Variants in OPCML observed in about 807,000 individuals in gnomAD.
OPCML encodes opioid binding protein/cell adhesion molecule like.
In OPCML, 13 loss-of-function variants were observed where a neutral mutation model predicts 37.8. That is an observed-to-expected ratio of 0.34 (90% CI 0.22 to 0.55). The LOEUF is 0.55. Ranked by LOEUF, OPCML falls within the 20% of genes least tolerant of loss-of-function variation. The probability of loss-of-function intolerance (pLI) is 0.91; values close to 1 mark genes in which losing one functional copy is unlikely to be tolerated. For missense variants in OPCML, 341 were observed against 435.6 expected, an observed-to-expected ratio of 0.78 and a Z score of 1.93; for synonymous variants, 176 against 168.8, an observed-to-expected ratio of 1.04 and a Z score of -0.33.
Position 133,208,834 on chromosome 11 carries a change from C to T in OPCML, c.62-265824G>A, listed in dbSNP as rs960500505. Reference sequence around the variant, plus strand: ...ATAAGACTTCATTCCCTATAAATCACGCTATTCCATGACTACCTATTCTAA... The same window carrying T: ...ATAAGACTTCATTCCCTATAAATCATGCTATTCCATGACTACCTATTCTAA... On this transcript the variant is annotated intron_variant, in intron 1 of 7. Coordinates refer to ENST00000524381, the MANE Select transcript of OPCML (RefSeq NM_001012393.5). This position sits in a 1 kb window ranked among gnomAD's most constrained non-coding sequence, Gnocchi z 8.9. 1.2e-4 allele frequency among the ~76,000 whole-genome samples: 19 copies of T among 152,148 alleles called. No homozygotes were observed. Among genetic ancestry groups the T allele is most frequent in the African/African-American group, 3.1e-4 (13 of 41,426 alleles).
At chr11:133,161,715 T>C (rs550476355) in intron 1 of OPCML, among the ~76,000 whole-genome samples, 2 of 152,226 alleles carry the variant, frequency 1.3e-5, no homozygotes, top group African/African-American at 4.8e-5. Flanking sequence ...TATGTGTATA[T>C]GTATATATAA....
At chr11:132,486,035 C>T (rs2096198700) in intron 4 of OPCML, among the ~76,000 whole-genome samples, 1 of 152,156 alleles carries the variant, frequency 6.6e-6, no homozygotes, top group South Asian at 2.1e-4. Context: ...TTCCAGTTGC[C>T]CTGCCTCTTT....
intron 2 of OPCML, among the ~76,000 whole-genome samples, chr11:132,823,242 C>A (rs530171196): frequency 1.3e-5 from 2 of 152,152 alleles, no homozygotes; most frequent in Non-Finnish European, 1.5e-5. Flanking sequence ...CACCTCCACA[C>A]GTCTTGCCAT....
chr11:132,562,606 T>A (rs1161571090), intron 3 of OPCML, among the ~76,000 whole-genome samples: 3 of 152,104 alleles, frequency 2.0e-5, no homozygotes, highest in African/African-American at 7.2e-5. Flanking sequence ...CAAGATTATC[T>A]TGTGTGTTTA....
At chr11:133,399,043 G>A (rs1385725173) in intron 1 of OPCML, among the ~76,000 whole-genome samples, 1 of 152,114 alleles carries the variant, frequency 6.6e-6, no homozygotes, top group African/African-American at 2.4e-5. Context: ...ACACAAAATT[G>A]GGAATCTTGG....
intron 4 of OPCML, among the ~76,000 whole-genome samples, chr11:132,516,061 TCCA>T (rs1328297368): frequency 1.3e-5 from 2 of 151,724 alleles, no homozygotes; most frequent in African/African-American, 2.4e-5. Flanking sequence ...GTCATAGGTC[TCCA>T]GTAAAAAAAA....
At chr11:132,582,691 T>C (rs1363152435) in intron 3 of OPCML, among the ~76,000 whole-genome samples, 4 of 152,242 alleles carry the variant, frequency 2.6e-5, no homozygotes, top group African/African-American at 7.2e-5. Flanking sequence ...CCAGGACATT[T>C]TGATATAGAG....
At chr11:133,418,271 G>C (rs1250944521) in intron 1 of OPCML, 5 of 985,254 alleles carry the variant, frequency 5.1e-6, no homozygotes, top group Non-Finnish European at 3.6e-6. Flanking sequence ...CACCATTCTA[G>C]AGTGACATGG....
chr11:132,674,483 A>C (rs753063159), intron 2 of OPCML, among the ~76,000 whole-genome samples: 1 of 152,208 alleles, frequency 6.6e-6, no homozygotes, highest in Non-Finnish European at 1.5e-5. Context: ...TTTTAAGTGG[A>C]AAGTTCGACT....
intron 4 of OPCML, among the ~76,000 whole-genome samples, chr11:132,447,394 G>A (rs2096058228): frequency 1.3e-5 from 2 of 152,242 alleles, no homozygotes; most frequent in African/African-American, 4.8e-5. Flanking sequence ...CACATCCTGG[G>A]TTCAAGCAAT....
intron 4 of OPCML, among the ~76,000 whole-genome samples, chr11:132,466,081 T>C (rs35174868): frequency 0.036 from 5,446 of 152,208 alleles, 133 homozygotes; most frequent in Non-Finnish European, 0.056. Flanking sequence ...CAACTCCCCT[T>C]CCTACCAGGG....
At chr11:132,782,929 A>G (rs1043290995) in intron 2 of OPCML, among the ~76,000 whole-genome samples, 3 of 146,264 alleles carry the variant, frequency 2.1e-5, no homozygotes, top group Admixed American at 6.9e-5. Flanking sequence ...ATATATATAT[A>G]TATATATATA....
chr11:132,594,061 G>A (rs150975111), intron 3 of OPCML, among the ~76,000 whole-genome samples: 1 of 152,278 alleles, frequency 6.6e-6, no homozygotes, highest in Non-Finnish European at 1.5e-5. Flanking sequence ...AAACAAGGAT[G>A]TGTGCCCCCT....
intron 2 of OPCML, among the ~76,000 whole-genome samples, chr11:132,712,941 T>C (rs542836526): frequency 1.3e-5 from 2 of 152,360 alleles, no homozygotes; most frequent in East Asian, 3.9e-4. Flanking sequence ...CAGGCGATGC[T>C]CAGGCCTCTG....
At chr11:132,451,006 A>T (rs560744314) in intron 4 of OPCML, among the ~76,000 whole-genome samples, 33 of 152,258 alleles carry the variant, frequency 2.2e-4, no homozygotes, top group African/African-American at 7.9e-4. Context: ...GTATGTGTGT[A>T]TAAAGAGAAA....
At chr11:132,949,726 C>T (rs1945818348) in intron 1 of OPCML, among the ~76,000 whole-genome samples, 1 of 152,138 alleles carries the variant, frequency 6.6e-6, no homozygotes, top group Admixed American at 6.5e-5. Flanking sequence ...TATGACACAC[C>T]TATTTTATGT....
intron 4 of OPCML, among the ~76,000 whole-genome samples, chr11:132,465,418 T>A (rs942861383): frequency 6.6e-6 from 1 of 152,192 alleles, no homozygotes; most frequent in Non-Finnish European, 1.5e-5. Flanking sequence ...TATCTCCTTA[T>A]AGTAATTTGC....
At position 133,206,567 on chromosome 11, in the gene OPCML, A is replaced by G. The variant is rs528072120; in HGVS notation, c.62-263557T>C. ...ACATTTGCATATCTAAGCCACTAATAAATGAAGGGTAGTAGATTTGGAAAG... is the reference window on the plus strand; with the variant it reads ...ACATTTGCATATCTAAGCCACTAATGAATGAAGGGTAGTAGATTTGGAAAG... On this transcript the variant is annotated intron_variant, in intron 1 of 7. Coordinates refer to ENST00000524381, the MANE Select transcript of OPCML (RefSeq NM_001012393.5). This position sits in a 1 kb window ranked among gnomAD's most constrained non-coding sequence, Gnocchi z 4.7. Among the ~76,000 whole-genome samples the G allele has an allele frequency of 1.3e-5, 2 of 152,334 alleles. No homozygotes were observed. The highest frequency in any genetic ancestry group is 4.8e-5 in the African/African-American group (2 of 41,572).
At chr11:133,254,655 G>T (rs1941252815) in intron 1 of OPCML, among the ~76,000 whole-genome samples, 1 of 152,160 alleles carries the variant, frequency 6.6e-6, no homozygotes, top group Non-Finnish European at 1.5e-5. Context: ...GACTGCATTT[G>T]AATTTATGCC....
Sources: allele counts gnomAD v4.1 joint callset (sites outside exome capture counted in the v4.1 genomes callset), GRCh38; gene constraint gnomAD v4.1.1; non-coding constraint Gnocchi (gnomAD v3.1); transcripts MANE v1.5; gene names NCBI Gene and HGNC (gene_info 2026-07-23, HGNC 2026-07-21).